Variants in CSRNP3 observed in about 807,000 individuals in gnomAD.
CSRNP3 encodes the protein cysteine/serine-rich nuclear protein 3.
In CSRNP3, 12 loss-of-function variants were observed where a neutral mutation model predicts 48.0. That is an observed-to-expected ratio of 0.25 (90% CI 0.16 to 0.41). The LOEUF is 0.41. Among genes scored for constraint, CSRNP3 ranks in the 10% least tolerant of loss-of-function variants. The probability of loss-of-function intolerance (pLI) is 1.00; values close to 1 mark genes in which losing one functional copy is unlikely to be tolerated. For synonymous variants in CSRNP3, 263 were observed against 269.7 expected (o/e 0.98, Z 0.24); for missense variants, 580 against 724.4 (o/e 0.80, Z 2.29).
chr2:165,480,671 G>C (rs1462288188), intron 1 of CSRNP3, among the ~76,000 whole-genome samples: 1 of 151,192 alleles, frequency 6.6e-6, no homozygotes, highest in African/African-American at 2.4e-5. Context: ...AACCAAATTG[G>C]CAATGTGCAT....
intron 4 of CSRNP3, among the ~76,000 whole-genome samples, chr2:165,600,635 G>A (rs1486400275): frequency 1.3e-5 from 2 of 152,178 alleles, no homozygotes; most frequent in South Asian, 2.1e-4. Context: ...TCTAACTGGT[G>A]TGAGATGGTA....
At chr2:165,524,979 T>C (rs1260574179) in intron 3 of CSRNP3, among the ~76,000 whole-genome samples, 4 of 152,222 alleles carry the variant, frequency 2.6e-5, no homozygotes, top group Admixed American at 2.6e-4. Context: ...GATGAGTGTA[T>C]GTTTAGCTTT....
rs138863936 is a variant in CSRNP3, at chr2:165,553,500, A to T, written c.-24+35539A>T. Among the ~76,000 whole-genome samples, 9 of 152,314 alleles carry T rather than the reference A, an allele frequency of 5.9e-5. No homozygotes were observed. The East Asian group carries it at 1.7e-3, about 29-fold the overall frequency. ...ATTTAAATTCATAACCACTAATTTC[A>T]GCTGAATATAGGTGGTAGCCACCAA... is the stretch of plus-strand genomic sequence containing the variant. On this transcript the variant is annotated intron_variant, in intron 3 of 6. Coordinates refer to ENST00000651982, the MANE Select transcript of CSRNP3 (RefSeq NM_001172173.2).
At chr2:165,664,864 G>A (rs1687153357) in intron 5 of CSRNP3, among the ~76,000 whole-genome samples, 1 of 152,022 alleles carries the variant, frequency 6.6e-6, no homozygotes, top group African/African-American at 2.4e-5. Flanking sequence ...CAATAAATAA[G>A]CTAAACTAAA....
At chr2:165,569,099 A>T (rs901018761) in intron 3 of CSRNP3, among the ~76,000 whole-genome samples, 3 of 151,972 alleles carry the variant, frequency 2.0e-5, no homozygotes, top group Non-Finnish European at 4.4e-5. Flanking sequence ...ATCCCTAGCA[A>T]CTCTCTCAGA....
At chr2:165,556,463 A>G (rs1235259936) in intron 3 of CSRNP3, among the ~76,000 whole-genome samples, 2 of 152,180 alleles carry the variant, frequency 1.3e-5, no homozygotes, top group Non-Finnish European at 2.9e-5. Context: ...TAGATTGCCA[A>G]GGCAAACAGA....
At chr2:165,557,447 G>A (rs1685174422) in intron 3 of CSRNP3, among the ~76,000 whole-genome samples, 2 of 152,142 alleles carry the variant, frequency 1.3e-5, no homozygotes, top group African/African-American at 4.8e-5. Flanking sequence ...GGGAGAGGGA[G>A]TTGAGAGAGG....
intron 3 of CSRNP3, among the ~76,000 whole-genome samples, chr2:165,590,229 A>C (rs569647566): frequency 1.3e-5 from 2 of 152,248 alleles, no homozygotes; most frequent in African/African-American, 4.8e-5. Context: ...AAAAGAGTGG[A>C]CAATGATGTA....
At chr2:165,582,584 G>T (rs1189706024) in intron 3 of CSRNP3, among the ~76,000 whole-genome samples, 1 of 152,204 alleles carries the variant, frequency 6.6e-6, no homozygotes, top group Non-Finnish European at 1.5e-5. Flanking sequence ...GGAAGTGGGT[G>T]ACCCTGACGG....
At chr2:165,478,469 G>C (rs1368796320) in intron 1 of CSRNP3, among the ~76,000 whole-genome samples, 1 of 152,094 alleles carries the variant, frequency 6.6e-6, no homozygotes, top group Non-Finnish European at 1.5e-5. Context: ...TGTCCAAAGA[G>C]GTTTTACTTC....
At chr2:165,564,844 A>T (rs910414789) in intron 3 of CSRNP3, among the ~76,000 whole-genome samples, 1 of 151,976 alleles carries the variant, frequency 6.6e-6, no homozygotes, top group African/African-American at 2.4e-5. Context: ...TGGTTTCTTA[A>T]AATTTTTTTG....
intron 4 of CSRNP3, among the ~76,000 whole-genome samples, chr2:165,612,356 A>T (rs542849401): frequency 6.6e-6 from 1 of 152,086 alleles, no homozygotes; most frequent in Non-Finnish European, 1.5e-5. Flanking sequence ...CTAAATCAAC[A>T]TACAAATATC....
chr2:165,573,763 GC>G (rs767213919), intron 3 of CSRNP3, among the ~76,000 whole-genome samples: 1 of 151,980 alleles, frequency 6.6e-6, no homozygotes, highest in Non-Finnish European at 1.5e-5. Flanking sequence ...ATAAATTTAC[GC>G]CTGTAAGATG....
At position 165,564,847 on chromosome 2, in the gene CSRNP3, T is replaced by G. The variant is rs149612943; in HGVS notation, c.-23-30196T>G. Among the ~76,000 whole-genome samples the G allele has an allele frequency of 4.0e-3, 610 of 152,168 alleles. 5 individuals carry two copies. The highest frequency in any genetic ancestry group is 0.014 in the African/African-American group (565 of 41,534). On this transcript the variant is annotated intron_variant, in intron 3 of 6. Coordinates refer to ENST00000651982, the MANE Select transcript of CSRNP3 (RefSeq NM_001172173.2). ...TTATTATAAATGTGGTTTCTTAAAA[T>G]TTTTTTGTATTTAAAACTGCATTCT... is the stretch of plus-strand genomic sequence containing the variant.
At chr2:165,566,552 A>T (rs1014259205) in intron 3 of CSRNP3, among the ~76,000 whole-genome samples, 1 of 151,920 alleles carries the variant, frequency 6.6e-6, no homozygotes, top group African/African-American at 2.4e-5. Flanking sequence ...TGGTTTTACA[A>T]GTTAATTAAT....
At chr2:165,661,383 A>G (rs1687094141) in intron 5 of CSRNP3, among the ~76,000 whole-genome samples, 1 of 152,186 alleles carries the variant, frequency 6.6e-6, no homozygotes, top group Admixed American at 6.6e-5. Context: ...GAACACTTAC[A>G]TTGGCCTACC....
intron 2 of CSRNP3, among the ~76,000 whole-genome samples, chr2:165,508,274 C>A (rs1392798386): frequency 6.6e-6 from 1 of 151,932 alleles, no homozygotes; most frequent in Non-Finnish European, 1.5e-5. Context: ...GATTAAGTAA[C>A]CCTGCAATTA....
chr2:165,583,705 G>A (rs942014810), intron 3 of CSRNP3, among the ~76,000 whole-genome samples: 8 of 152,124 alleles, frequency 5.3e-5, no homozygotes, highest in Non-Finnish European at 1.2e-4. Flanking sequence ...CTCCTGCCTT[G>A]CACTTCCCCG....
At position 165,501,165 on chromosome 2, in the gene CSRNP3, A is replaced by C. The variant is rs140383882; in HGVS notation, c.-113+6237A>C. On this transcript the variant is annotated intron_variant, in intron 2 of 6. Coordinates refer to ENST00000651982, the MANE Select transcript of CSRNP3 (RefSeq NM_001172173.2). The stretch of plus-strand genomic sequence containing the variant: ...CATTAATCAGTTATAATGAAATGCT[A>C]TGCTAAGATCATGGTTACATAAGAC... Among the ~76,000 whole-genome samples, 529 of 152,282 alleles carry C rather than the reference A, an allele frequency of 3.5e-3. 2 individuals are homozygous for C. The highest frequency in any genetic ancestry group is 0.012 in the African/African-American group (508 of 41,566).
Sources: gnomAD v4.1 joint callset for allele counts (sites outside exome capture counted in the v4.1 genomes callset) on GRCh38, gnomAD v4.1.1 for gene constraint, MANE v1.5 for transcripts, NCBI Gene and HGNC (gene_info 2026-07-23, HGNC 2026-07-21) for gene names.